GNG12: variants seen among roughly 807,000 people sequenced by gnomAD.
The protein encoded by GNG12 is G protein subunit gamma 12.
For missense variants in GNG12, 69 were observed against 83.8 expected (o/e 0.82, Z 0.69); for synonymous variants, 28 against 29.7 (o/e 0.94, Z 0.19).
chr1:67,806,896 G>A (rs181887057), intron 1 of GNG12, among the ~76,000 whole-genome samples: 62 of 152,216 alleles, frequency 4.1e-4, no homozygotes, highest in African/African-American at 1.4e-3. Context: ...AATCATTAAA[G>A]CCAACAGTTG....
chr1:67,817,683 C>G (rs1319958452), intron 1 of GNG12, among the ~76,000 whole-genome samples: 2 of 151,922 alleles, frequency 1.3e-5, no homozygotes, highest in East Asian at 3.9e-4. Flanking sequence ...GCTTACTGGT[C>G]CTTAGGGAAG....
intron 2 of GNG12, among the ~76,000 whole-genome samples, chr1:67,765,276 T>C (rs917294810): frequency 6.6e-6 from 1 of 152,126 alleles, no homozygotes; most frequent in Non-Finnish European, 1.5e-5. Context: ...CATCAAATAC[T>C]GAAGTACAGT....
intron 2 of GNG12, among the ~76,000 whole-genome samples, chr1:67,717,591 C>A (rs1454431863): frequency 6.6e-6 from 1 of 151,794 alleles, no homozygotes; most frequent in African/African-American, 2.4e-5. Context: ...ATTCTAACTT[C>A]TTTTAATTAC....
chr1:67,723,144 C>G (rs1646365405), intron 2 of GNG12, among the ~76,000 whole-genome samples: 1 of 152,164 alleles, frequency 6.6e-6, no homozygotes, highest in South Asian at 2.1e-4. Context: ...GATGTGAGAG[C>G]TGTGAAAATG....
At chr1:67,829,601 T>C (rs914679201) in intron 1 of GNG12, among the ~76,000 whole-genome samples, 19 of 152,214 alleles carry the variant, frequency 1.2e-4, no homozygotes, top group African/African-American at 4.6e-4. Context: ...CCAGGCACTA[T>C]TCCAAATGCT....
At chr1:67,737,202 G>C (rs1271275934) in intron 2 of GNG12, among the ~76,000 whole-genome samples, 1 of 152,148 alleles carries the variant, frequency 6.6e-6, no homozygotes, top group African/African-American at 2.4e-5. Flanking sequence ...CCCTTCTTGG[G>C]CTACTTAGTC....
Position 67,779,447 on chromosome 1 carries a change from T to A in GNG12, c.-76-1940A>T, listed in dbSNP as rs563282424. 2.0e-5 allele frequency among the ~76,000 whole-genome samples: 3 copies of A among 152,244 alleles called. No homozygotes were observed. The South Asian group carries it at 6.2e-4, about 32-fold the overall frequency. On this transcript the variant is annotated intron_variant, in intron 1 of 3. Coordinates refer to ENST00000370982, the MANE Select transcript of GNG12 (RefSeq NM_018841.6). ...AGGATCAAGGCCAAGCTCCTCAGAC[T>A]ACTCTAAAAAGCCCCTGTGGCCTCA...
intron 1 of GNG12, among the ~76,000 whole-genome samples, chr1:67,818,762 G>C (rs1489436755): frequency 6.6e-6 from 1 of 152,112 alleles, no homozygotes; most frequent in Admixed American, 6.5e-5. Context: ...TGTGTGGCCG[G>C]CATGGTTATG....
At chr1:67,805,883 A>G (rs1646891910) in intron 1 of GNG12, among the ~76,000 whole-genome samples, 1 of 149,166 alleles carries the variant, frequency 6.7e-6, no homozygotes, top group South Asian at 2.1e-4. Flanking sequence ...ATCAAAGATA[A>G]AAACTTTTGA....
chr1:67,818,413 G>GTTTTTTTTTTTTTT (rs1163831257), intron 1 of GNG12, among the ~76,000 whole-genome samples: 2 of 83,882 alleles, frequency 2.4e-5, no homozygotes, highest in Non-Finnish European at 4.5e-5. Flanking sequence ...AAGACCAGGG[G>GTTTTTTTTTTTTTT]TTTTTTTTTT....
intron 1 of GNG12, among the ~76,000 whole-genome samples, chr1:67,790,304 A>G (rs1054901270): frequency 1.3e-5 from 2 of 152,148 alleles, no homozygotes; most frequent in African/African-American, 4.8e-5. Flanking sequence ...TCCATTTTAC[A>G]TACATTTTTA....
At chr1:67,824,069 G>C (rs1187872489) in intron 1 of GNG12, among the ~76,000 whole-genome samples, 2 of 152,054 alleles carry the variant, frequency 1.3e-5, no homozygotes, top group African/African-American at 2.4e-5. Context: ...TGAGAGAAGG[G>C]GGGAGAATTA....
At chr1:67,727,410 T>C (rs1204352366) in intron 2 of GNG12, among the ~76,000 whole-genome samples, 2 of 152,258 alleles carry the variant, frequency 1.3e-5, no homozygotes, top group Non-Finnish European at 2.9e-5. Flanking sequence ...ATAAATGACA[T>C]GTGTTTATAT....
chr1:67,759,929 T>C lies in GNG12; in HGVS notation c.-27+17529A>G, dbSNP rs1646592468. ...ATTCTAGGCTGCCCTTTTAACCTGATACTGATACCCTGTCCACTCTACTGT... is the reference window on the plus strand; with the variant it reads ...ATTCTAGGCTGCCCTTTTAACCTGACACTGATACCCTGTCCACTCTACTGT... On this transcript the variant is annotated intron_variant, in intron 2 of 3. Coordinates refer to ENST00000370982, the MANE Select transcript of GNG12 (RefSeq NM_018841.6). Among the ~76,000 whole-genome samples the C allele has an allele frequency of 2.0e-5, 3 of 152,352 alleles. No individual in the cohort carries two copies. The South Asian group carries it at 6.2e-4, about 32-fold the overall frequency.
chr1:67,763,465 G>GT (rs1465523177), intron 2 of GNG12, among the ~76,000 whole-genome samples: 2 of 151,678 alleles, frequency 1.3e-5, no homozygotes, highest in Admixed American at 1.3e-4. Flanking sequence ...GTTTGCACAT[G>GT]TTTTTTCCTG....
intron 1 of GNG12, among the ~76,000 whole-genome samples, chr1:67,779,843 C>T (rs953327636): frequency 6.6e-6 from 1 of 152,196 alleles, no homozygotes; most frequent in Non-Finnish European, 1.5e-5. Context: ...GCCTACCACA[C>T]ACCTAGGCTA....
At chr1:67,744,720 G>A (rs1010333536) in intron 2 of GNG12, among the ~76,000 whole-genome samples, 4 of 152,154 alleles carry the variant, frequency 2.6e-5, no homozygotes, top group Non-Finnish European at 4.4e-5. Context: ...ACCCTACAAA[G>A]TATGTAACAT....
intron 2 of GNG12, among the ~76,000 whole-genome samples, chr1:67,729,186 G>A (rs3766264): frequency 0.42 from 64,182 of 151,940 alleles, 15,306 homozygotes; most frequent in South Asian, 0.55. Context: ...GATTTTGCCC[G>A]AGTGCATGTT....
intron 2 of GNG12, among the ~76,000 whole-genome samples, chr1:67,766,037 T>C (rs114068244): frequency 0.029 from 4,437 of 151,920 alleles, 96 homozygotes; most frequent in Admixed American, 0.038. Flanking sequence ...TTTATAGCTA[T>C]AAGAGTATTC....
Sources: gnomAD v4.1 joint callset for allele counts (sites outside exome capture counted in the v4.1 genomes callset) on GRCh38, gnomAD v4.1.1 for gene constraint, MANE v1.5 for transcripts, NCBI Gene and HGNC (gene_info 2026-07-23, HGNC 2026-07-21) for gene names.